DOK6: variants seen among roughly 807,000 people sequenced by gnomAD.
DOK6 encodes docking protein 6.
A neutral mutation model predicts 44.0 loss-of-function variants in DOK6; 22 were observed. That is an observed-to-expected ratio of 0.50 (90% CI 0.36 to 0.71). DOK6 has a LOEUF of 0.71. Ranked by LOEUF, DOK6 falls within the 30% of genes least tolerant of loss-of-function variation. The pLI is 0.00. For synonymous variants in DOK6, 166 were observed against 145.5 expected (o/e 1.14, Z -1.01); for missense variants, 340 against 416.4 (o/e 0.82, Z 1.60).
At chr18:69,462,862 C>G (rs181890231) in intron 1 of DOK6, among the ~76,000 whole-genome samples, 1 of 152,124 alleles carries the variant, frequency 6.6e-6, no homozygotes, top group African/African-American at 2.4e-5. Flanking sequence ...AAATGTCCTG[C>G]CTTTTAAATT....
intron 5 of DOK6, among the ~76,000 whole-genome samples, chr18:69,708,533 T>A (rs1224103649): frequency 6.6e-6 from 1 of 152,138 alleles, no homozygotes; most frequent in African/African-American, 2.4e-5. Context: ...ACGCCCGTAA[T>A]CCCAGCTCTT....
At chr18:69,696,666 T>A (rs1216071672) in intron 4 of DOK6, among the ~76,000 whole-genome samples, 1 of 152,214 alleles carries the variant, frequency 6.6e-6, no homozygotes, top group Non-Finnish European at 1.5e-5. Flanking sequence ...AGAAGATTGA[T>A]GTTCGGGCCT....
intron 1 of DOK6, among the ~76,000 whole-genome samples, chr18:69,427,387 T>G (rs1978669249): frequency 8.4e-6 from 1 of 119,034 alleles, no homozygotes; most frequent in Non-Finnish European, 1.8e-5. Context: ...ATAACATCAC[T>G]GATCATTAGA....
intron 1 of DOK6, among the ~76,000 whole-genome samples, chr18:69,493,214 G>C (rs973801363): frequency 1.3e-5 from 2 of 152,078 alleles, no homozygotes; most frequent in Non-Finnish European, 2.9e-5. Flanking sequence ...TATTTTAAAA[G>C]ACATTACCTT....
intron 1 of DOK6, among the ~76,000 whole-genome samples, chr18:69,434,983 A>AGAAG (rs372494721): frequency 1.2e-5 from 1 of 84,844 alleles, no homozygotes; most frequent in African/African-American, 3.8e-5. Context: ...AAGGAAGGAA[A>AGAAG]GAAGGAAGGA....
intron 5 of DOK6, among the ~76,000 whole-genome samples, chr18:69,703,048 G>C (rs1986555623): frequency 1.2e-5 from 1 of 81,670 alleles, no homozygotes; most frequent in Non-Finnish European, 3.0e-5. Flanking sequence ...CTCTCTCCGA[G>C]GGGGAAAAAA....
chr18:69,766,020 G>A (rs1216300364), intron 7 of DOK6, among the ~76,000 whole-genome samples: 1 of 151,986 alleles, frequency 6.6e-6, no homozygotes, highest in Non-Finnish European at 1.5e-5. Context: ...ATCAACCTAG[G>A]CGCCCATCAA....
intron 1 of DOK6, among the ~76,000 whole-genome samples, chr18:69,509,397 G>A (rs1159977212): frequency 6.6e-6 from 1 of 152,062 alleles, no homozygotes; most frequent in Non-Finnish European, 1.5e-5. Context: ...CAGCACTTTG[G>A]GAGGCCAAGG....
chr18:69,589,538 G>T (rs1456663771), intron 2 of DOK6, among the ~76,000 whole-genome samples: 1 of 151,964 alleles, frequency 6.6e-6, no homozygotes, highest in Non-Finnish European at 1.5e-5. Flanking sequence ...GTGCTTTAAT[G>T]GTCAGATAAT....
At chr18:69,730,391 G>A (rs558538002) in intron 5 of DOK6, among the ~76,000 whole-genome samples, 2 of 152,310 alleles carry the variant, frequency 1.3e-5, no homozygotes, top group South Asian at 2.1e-4. Flanking sequence ...TAATTCAGCA[G>A]GAGAAACAGA....
In DOK6 at chr18:69,725,277, G is replaced by A. The variant is rs182309622; in HGVS notation, c.600-13688G>A. ...AGTCACATACTTGGCTGGGCAGAGC[G>A]CCTTGCATGCAACGAGGGATGGATA... On this transcript the variant is annotated intron_variant, in intron 5 of 7. Coordinates refer to ENST00000382713, the MANE Select transcript of DOK6 (RefSeq NM_152721.6). Among the ~76,000 whole-genome samples the A allele has an allele frequency of 1.9e-4, 29 of 152,266 alleles. 1 individual carries two copies. In the East Asian group the frequency reaches 4.5e-3, roughly 23 times the overall value.
At chr18:69,574,665 A>G (rs1432126125) in intron 2 of DOK6, among the ~76,000 whole-genome samples, 2 of 152,102 alleles carry the variant, frequency 1.3e-5, no homozygotes, top group Non-Finnish European at 2.9e-5. Flanking sequence ...GGGAAAGATG[A>G]GCCCAAAAAA....
intron 1 of DOK6, among the ~76,000 whole-genome samples, chr18:69,447,033 T>G (rs937861267): frequency 6.6e-6 from 1 of 152,236 alleles, no homozygotes; most frequent in African/African-American, 2.4e-5. Context: ...TAGTTTCTTT[T>G]GCTGTGCAGA....
chr18:69,706,514 CT>C (rs34689612), intron 5 of DOK6, among the ~76,000 whole-genome samples: 28 of 147,494 alleles, frequency 1.9e-4, no homozygotes, highest in African/African-American at 2.6e-4. Context: ...TCAAGAAACT[CT>C]TTTTTTTTTT....
intron 3 of DOK6, among the ~76,000 whole-genome samples, chr18:69,622,790 C>T (rs577329348): frequency 6.6e-6 from 1 of 152,034 alleles, no homozygotes; most frequent in Non-Finnish European, 1.5e-5. Flanking sequence ...AAATGTGAAA[C>T]TTTAAAACAA....
chr18:69,467,505 A>G (rs1457894088), intron 1 of DOK6, among the ~76,000 whole-genome samples: 2 of 152,204 alleles, frequency 1.3e-5, no homozygotes, highest in African/African-American at 4.8e-5. Flanking sequence ...TATGTGAAAC[A>G]TAGTTTATGT....
At chr18:69,742,946 C>T (rs759986168) in intron 6 of DOK6, among the ~76,000 whole-genome samples, 3 of 152,118 alleles carry the variant, frequency 2.0e-5, no homozygotes, top group Non-Finnish European at 4.4e-5. Context: ...TGGAGTCGGC[C>T]CTCCATAGAA....
chr18:69,758,056 A>G (rs147259197), intron 7 of DOK6, among the ~76,000 whole-genome samples, 183 bp downstream of exon 7: 71 of 152,310 alleles, frequency 4.7e-4, no homozygotes, highest in African/African-American at 1.7e-3. Context: ...CATTTCATAT[A>G]CTCATGGTAA....
intron 3 of DOK6, among the ~76,000 whole-genome samples, chr18:69,620,617 C>A (rs1984418125): frequency 6.6e-6 from 1 of 152,162 alleles, no homozygotes; most frequent in Admixed American, 6.5e-5. Flanking sequence ...AGCAATCCCA[C>A]CTCATGGGTT....
Sources: gnomAD v4.1 joint callset for allele counts (sites outside exome capture counted in the v4.1 genomes callset) on GRCh38, gnomAD v4.1.1 for gene constraint, MANE v1.5 for transcripts, NCBI Gene and HGNC (gene_info 2026-07-23, HGNC 2026-07-21) for gene names.